RALGAPA2: variants seen among roughly 807,000 people sequenced by gnomAD.
RALGAPA2 encodes the protein Ral GTPase activating protein catalytic subunit alpha 2.
RALGAPA2 carries 139 observed loss-of-function variants against 230.4 expected under a neutral mutation model. The ratio of observed to expected loss-of-function variants is 0.60; its 90% CI spans 0.53 to 0.69. The LOEUF (loss-of-function observed/expected upper bound fraction) is 0.69, where lower values mean the gene tolerates loss of function less well. RALGAPA2 is among the 30% of genes least tolerant of loss of function. RALGAPA2 has a pLI of 0.00. For missense variants in RALGAPA2, 2,163 were observed against 2,276.0 expected (o/e 0.95, Z 1.01); for synonymous variants, 847 against 837.8 (o/e 1.01, Z -0.19).
chr20:20,525,710 T>A (rs996943107), intron 28 of RALGAPA2, among the ~76,000 whole-genome samples: 1 of 152,188 alleles, frequency 6.6e-6, no homozygotes, highest in Non-Finnish European at 1.5e-5. Context: ...CACACTTGGA[T>A]GCAAGTGGCC....
intron 37 of RALGAPA2, among the ~76,000 whole-genome samples, chr20:20,445,214 T>C (rs888995941): frequency 6.6e-6 from 1 of 152,198 alleles, no homozygotes; most frequent in Non-Finnish European, 1.5e-5. Context: ...TTGGAATGTA[T>C]CCCCTGTAGA....
intron 38 of RALGAPA2, among the ~76,000 whole-genome samples, chr20:20,407,162 T>C (rs193069837): frequency 5.3e-5 from 8 of 152,304 alleles, no homozygotes; most frequent in African/African-American, 1.9e-4. Context: ...AGACATGATC[T>C]TTCCTGAAGT....
intron 38 of RALGAPA2, among the ~76,000 whole-genome samples, chr20:20,399,292 T>A (rs1355873092): frequency 3.7e-5 from 5 of 135,648 alleles, no homozygotes; most frequent in Non-Finnish European, 7.7e-5. Flanking sequence ...TTCAGTGAGC[T>A]GGGATCATGC....
chr20:20,523,095 T>G (rs919121098), intron 30 of RALGAPA2, among the ~76,000 whole-genome samples: 10 of 152,234 alleles, frequency 6.6e-5, no homozygotes, highest in African/African-American at 2.4e-4. Flanking sequence ...GTCTGTGACT[T>G]GGACTCTTTT....
At chr20:20,616,937 G>T (rs1329693686) in intron 12 of RALGAPA2, among the ~76,000 whole-genome samples, 1 of 152,002 alleles carries the variant, frequency 6.6e-6, no homozygotes, top group Non-Finnish European at 1.5e-5. Context: ...TACCATCAGG[G>T]GTATCTCAGC....
rs560729471 is a variant in RALGAPA2, at chr20:20,695,955, G to A, written c.107-15154C>T. ...ATTTTTCTGGTCTCATTCTTCTCCA[G>A]CCACTGACAGATCTCCATTTTTTTT... On this transcript the variant is annotated intron_variant, in intron 1 of 39. Transcript: ENST00000202677. Among the ~76,000 whole-genome samples the A allele has an allele frequency of 9.2e-5, 14 of 152,140 alleles. No individual in the cohort carries two copies. The South Asian group carries it at 2.9e-3, about 32-fold the overall frequency.
chr20:20,426,866 C>T (rs953884049), intron 37 of RALGAPA2, among the ~76,000 whole-genome samples: 2 of 152,188 alleles, frequency 1.3e-5, no homozygotes, highest in African/African-American at 4.8e-5. Context: ...AATAAAGATG[C>T]CAATGAAAAT....
chr20:20,478,353 C>G (rs1249785499), intron 36 of RALGAPA2, among the ~76,000 whole-genome samples: 2 of 151,700 alleles, frequency 1.3e-5, no homozygotes, highest in Non-Finnish European at 2.9e-5. Flanking sequence ...TCAAGAAGTA[C>G]TGAAAAACCA....
intron 3 of RALGAPA2, among the ~76,000 whole-genome samples, chr20:20,656,565 T>C (rs1399025179): frequency 6.6e-6 from 1 of 152,186 alleles, no homozygotes; most frequent in African/African-American, 2.4e-5. Context: ...TGCAATATGC[T>C]CTAACATTAA....
intron 10 of RALGAPA2, among the ~76,000 whole-genome samples, chr20:20,622,464 G>C (rs2066352424): frequency 6.6e-6 from 1 of 152,120 alleles, no homozygotes; most frequent in Non-Finnish European, 1.5e-5. Flanking sequence ...GCAGCCAGAA[G>C]AAAAAAGATG....
At chr20:20,492,381 T>C (rs1421184309) in intron 36 of RALGAPA2, among the ~76,000 whole-genome samples, 1 of 152,150 alleles carries the variant, frequency 6.6e-6, no homozygotes, top group Non-Finnish European at 1.5e-5. Context: ...GCATATCCTG[T>C]CCTTCAAAAG....
chr20:20,598,268 A>G (rs1175511415), intron 16 of RALGAPA2, among the ~76,000 whole-genome samples: 1 of 152,164 alleles, frequency 6.6e-6, no homozygotes, highest in Admixed American at 6.5e-5. Context: ...GATCCCGCCT[A>G]CATACATTTT....
At chr20:20,604,155 C>A (rs2065746934) in intron 15 of RALGAPA2, among the ~76,000 whole-genome samples, 1 of 152,214 alleles carries the variant, frequency 6.6e-6, no homozygotes, top group Non-Finnish European at 1.5e-5. Flanking sequence ...TGCAACCTCA[C>A]TCATTTTGAC....
chr20:20,592,022 TA>T (rs1396018057), intron 16 of RALGAPA2, among the ~76,000 whole-genome samples: 2 of 152,182 alleles, frequency 1.3e-5, no homozygotes, highest in African/African-American at 4.8e-5. Context: ...CAGTACACTT[TA>T]ATCTCTAAAG....
intron 13 of RALGAPA2, among the ~76,000 whole-genome samples, chr20:20,614,488 A>G (rs1266048815): frequency 6.6e-6 from 1 of 152,184 alleles, no homozygotes; most frequent in Non-Finnish European, 1.5e-5. Context: ...AGCATTTCTC[A>G]TTACTGTCAA....
chr20:20,405,026 ATCC>A, intron 38 of RALGAPA2, among the ~76,000 whole-genome samples: 1 of 152,236 alleles, frequency 6.6e-6, no homozygotes, highest in South Asian at 2.1e-4. Context: ...CACATTTACT[ATCC>A]TCTATCTTTT....
chr20:20,412,230 T>A, intron 37 of RALGAPA2, 82 bp from the exon 38 acceptor site: 1 of 1,553,622 alleles, frequency 6.4e-7, no homozygotes, highest in Non-Finnish European at 8.8e-7. Context: ...AATACCGTTG[T>A]GCAATTTTTT....
chr20:20,708,550 C>A (rs2069703546), intron 1 of RALGAPA2, among the ~76,000 whole-genome samples: 1 of 152,168 alleles, frequency 6.6e-6, no homozygotes. Flanking sequence ...GACTTTGCTT[C>A]TCATTCACCT....
At chr20:20,541,096 T>G (rs1476744839) in intron 24 of RALGAPA2, among the ~76,000 whole-genome samples, 1 of 151,870 alleles carries the variant, frequency 6.6e-6, no homozygotes, top group East Asian at 1.9e-4. Context: ...GAGTTCTCTT[T>G]CCTCCACATC....
Sources: gnomAD v4.1 joint callset for allele counts (sites outside exome capture counted in the v4.1 genomes callset) on GRCh38, gnomAD v4.1.1 for gene constraint, MANE v1.5 for transcripts, NCBI Gene and HGNC (gene_info 2026-07-23, HGNC 2026-07-21) for gene names.